LMBR1: variants seen among roughly 807,000 people sequenced by gnomAD.
LMBR1 encodes limb region 1 protein homolog.
In LMBR1, 52 loss-of-function variants were observed where a neutral mutation model predicts 73.9. That is an observed-to-expected ratio of 0.70 (90% CI 0.56 to 0.89). The LOEUF (loss-of-function observed/expected upper bound fraction) is 0.89, where lower values mean the gene tolerates loss of function less well. Ranked by LOEUF, LMBR1 falls within the 40% of genes least tolerant of loss-of-function variation. LMBR1 has a pLI of 0.00. For missense variants in LMBR1, 539 were observed against 579.8 expected (o/e 0.93, Z 0.72); for synonymous variants, 215 against 209.4 (o/e 1.03, Z -0.23).
chr7:156,878,019 C>A lies in LMBR1; in HGVS notation c.66+14909G>T, dbSNP rs116530842. Among the ~76,000 whole-genome samples, 1,304 of 152,152 alleles carry A rather than the reference C, an allele frequency of 8.6e-3. 22 individuals are homozygous for A. Among genetic ancestry groups the A allele is most frequent in the African/African-American group, 0.03 (1,250 of 41,510 alleles). ...ATCCAGCATCACTTTATAATTAAAACCCTTAGCAAAATCTACATACAAGGG... is the reference window on the plus strand; with the variant it reads ...ATCCAGCATCACTTTATAATTAAAAACCTTAGCAAAATCTACATACAAGGG... On this transcript the variant is annotated intron_variant, in intron 1 of 16. Transcript: ENST00000353442.
At chr7:156,707,185 G>A (rs58286579) in intron 15 of LMBR1, among the ~76,000 whole-genome samples, 24,817 of 151,812 alleles carry the variant, frequency 0.16, 2,769 homozygotes, top group African/African-American at 0.32. Flanking sequence ...AGATTGAACC[G>A]GGAAGAAATA....
intron 5 of LMBR1, among the ~76,000 whole-genome samples, chr7:156,785,913 T>C (rs867773720): frequency 2.7e-4 from 41 of 152,282 alleles, no homozygotes; most frequent in African/African-American, 8.4e-4. Context: ...CCAATCTACA[T>C]GTCCCTAACA....
chr7:156,837,818 A>T (rs1343623940), intron 1 of LMBR1, among the ~76,000 whole-genome samples: 1 of 138,048 alleles, frequency 7.2e-6, no homozygotes, highest in Non-Finnish European at 1.5e-5. Flanking sequence ...ACAGGATCTC[A>T]CTCTGTTGCT....
chr7:156,804,289 A>G (rs1831589676), intron 4 of LMBR1, among the ~76,000 whole-genome samples: 1 of 152,222 alleles, frequency 6.6e-6, no homozygotes. Flanking sequence ...GACTGCATCC[A>G]TTCACCTGCA....
rs147391715 is a variant in LMBR1, at chr7:156,728,506, A to C, written c.915+138T>G. On this transcript the variant is annotated intron_variant, in intron 11 of 16. Coordinates refer to ENST00000353442, the MANE Select transcript of LMBR1 (RefSeq NM_022458.4). ...TGCTTTATTGGATTTTCATAAATAAAGGCATAGATGGATTTTAATCCTGTT... is the reference window on the plus strand; with the variant it reads ...TGCTTTATTGGATTTTCATAAATAACGGCATAGATGGATTTTAATCCTGTT... 7.2e-4 allele frequency: 375 copies of C among 519,394 alleles called. 2 individuals are homozygous for C. The East Asian group carries it at 0.012, about 17-fold the overall frequency. 32.2% of individuals were successfully genotyped at this position (519,394 alleles called of 1,614,324 possible). A position where few individuals can be genotyped will look rare whatever the true frequency, so the allele number is the denominator to read the frequency against.
chr7:156,754,775 C>T (rs17837690), intron 9 of LMBR1, among the ~76,000 whole-genome samples: 31,089 of 151,924 alleles, frequency 0.2, 3,619 homozygotes, highest in African/African-American at 0.32. Flanking sequence ...GTGATTTTTT[C>T]AGTCTTGCCT....
chr7:156,772,585 C>T (rs1825401203), intron 5 of LMBR1, among the ~76,000 whole-genome samples: 1 of 152,050 alleles, frequency 6.6e-6, no homozygotes, highest in Non-Finnish European at 1.5e-5. Flanking sequence ...TGGTGGCTCG[C>T]ACCTGTAATC....
At chr7:156,826,924 T>TA (rs2133822829) in intron 3 of LMBR1, among the ~76,000 whole-genome samples, 180 bp from the exon 4 acceptor site, 1 of 152,300 alleles carries the variant, frequency 6.6e-6, no homozygotes, top group Non-Finnish European at 1.5e-5. Context: ...TTAAACTAGA[T>TA]AAACTCTAAA....
intron 9 of LMBR1, among the ~76,000 whole-genome samples, chr7:156,740,236 C>T (rs1818648330): frequency 6.6e-6 from 1 of 151,980 alleles, no homozygotes; most frequent in South Asian, 2.1e-4. Context: ...AAGAATGAAG[C>T]ATGCCTACGA....
In LMBR1 at chr7:156,680,385, A is replaced by AGAGG. The variant is rs1443885923; in HGVS notation, c.*3692_*3693insCCTC. The AGAGG allele has an allele frequency of 5.6e-5, 8 of 141,706 alleles. No homozygotes were observed. The highest frequency in any genetic ancestry group is 9.1e-5 in the Non-Finnish European group (6 of 66,102). 8.8% of individuals were successfully genotyped at this position (141,706 alleles called of 1,614,324 possible). ...ATACGTATCTGAGAGACAGAGAGAG[A>AGAGG]GAGAGAGAGAGAGAGAGAGTGTGTG... On this transcript the variant is annotated 3_prime_UTR_variant, in exon 17 of 17. Transcript: ENST00000353442.
intron 4 of LMBR1, among the ~76,000 whole-genome samples, chr7:156,799,282 G>A (rs112276549): frequency 0.032 from 4,840 of 152,018 alleles, 123 homozygotes; most frequent in South Asian, 0.085. Flanking sequence ...TGCAGATACC[G>A]TGTGACGGTT....
At chr7:156,819,086 T>C (rs1032647783) in intron 4 of LMBR1, among the ~76,000 whole-genome samples, 2 of 152,202 alleles carry the variant, frequency 1.3e-5, no homozygotes, top group Non-Finnish European at 2.9e-5. Flanking sequence ...CATTTTTCTG[T>C]ATCACATTTT....
chr7:156,818,673 C>T (rs755637362), intron 4 of LMBR1, among the ~76,000 whole-genome samples: 1 of 152,142 alleles, frequency 6.6e-6, no homozygotes, highest in South Asian at 2.1e-4. Flanking sequence ...ACCACCTTTA[C>T]CTAACTCCGA....
chr7:156,684,233 G>C lies in LMBR1; in HGVS notation c.1388-70C>G, dbSNP rs1805535372. On this transcript the variant is annotated intron_variant, in intron 16 of 16. Coordinates refer to ENST00000353442, the MANE Select transcript of LMBR1 (RefSeq NM_022458.4). ...GTGGCTGGGAAAGGGTTAGGGTAGGGAGAAGAGGAGATTTACAAAGCTAAG... is the reference window on the plus strand; with the variant it reads ...GTGGCTGGGAAAGGGTTAGGGTAGGCAGAAGAGGAGATTTACAAAGCTAAG... 4.3e-6 allele frequency: 5 copies of C among 1,150,846 alleles called. No homozygotes were observed. In the Admixed American group the frequency reaches 5.2e-5, roughly 12 times the overall value. 71.3% of individuals were successfully genotyped at this position (1,150,846 alleles called of 1,614,324 possible).
intron 15 of LMBR1, among the ~76,000 whole-genome samples, chr7:156,711,678 G>C (rs1200590593): frequency 6.6e-6 from 1 of 151,988 alleles, no homozygotes; most frequent in Non-Finnish European, 1.5e-5. Context: ...ACAGAATGGA[G>C]AACCCAAAAA....
chr7:156,813,923 C>A (rs530423280), intron 4 of LMBR1, among the ~76,000 whole-genome samples: 2 of 152,162 alleles, frequency 1.3e-5, no homozygotes, highest in African/African-American at 4.8e-5. Flanking sequence ...ACTGAAATAA[C>A]CTCTTTCCTC....
chr7:156,872,246 A>G (rs1799411138), intron 1 of LMBR1: 1 of 152,200 alleles, frequency 6.6e-6, no homozygotes. Flanking sequence ...AAAAACTAAT[A>G]AATTCAATAA....
At chr7:156,694,952 A>T (rs1476799231) in intron 15 of LMBR1, among the ~76,000 whole-genome samples, 11 of 151,928 alleles carry the variant, frequency 7.2e-5, no homozygotes, top group African/African-American at 2.7e-4. Context: ...AAAGACATGT[A>T]AAAGACTCAA....
intron 15 of LMBR1, among the ~76,000 whole-genome samples, chr7:156,699,897 A>T (rs1445664124): frequency 6.6e-6 from 1 of 152,190 alleles, no homozygotes; most frequent in East Asian, 1.9e-4. Flanking sequence ...AAAAGTCAGG[A>T]AACAACAGGT....
Sources: allele counts gnomAD v4.1 joint callset (sites outside exome capture counted in the v4.1 genomes callset), GRCh38; gene constraint gnomAD v4.1.1; transcripts MANE v1.5; gene names NCBI Gene and HGNC (gene_info 2026-07-23, HGNC 2026-07-21).